Variants in COL5A1 observed in about 807,000 individuals in gnomAD.
COL5A1 encodes the protein collagen alpha-1(V) chain.
In COL5A1, 16 loss-of-function variants were observed where a neutral mutation model predicts 263.7. The observed-to-expected ratio is 0.06, with a 90% confidence interval of 0.04 to 0.09. COL5A1 has a LOEUF of 0.09. COL5A1 is among the 10% of genes least tolerant of loss of function. The probability of loss-of-function intolerance (pLI) is 1.00; values close to 1 mark genes in which losing one functional copy is unlikely to be tolerated. For missense variants in COL5A1, 2,036 were observed against 2,540.5 expected (o/e 0.80, Z 4.27); for synonymous variants, 1,012 against 1,004.5 (o/e 1.01, Z -0.14).
At chr9:134,708,885 T>A (rs1331329805) in intron 4 of COL5A1, 1 of 456,636 alleles carries the variant, frequency 2.2e-6, no homozygotes, top group South Asian at 1.5e-5. Flanking sequence ...GCCTGCCGCT[T>A]CCAGCCCCGG....
At chr9:134,762,362 G>A (rs1198255910) in intron 19 of COL5A1, among the ~76,000 whole-genome samples, 2 of 152,202 alleles carry the variant, frequency 1.3e-5, no homozygotes, top group Non-Finnish European at 2.9e-5. Flanking sequence ...GAGGCATGTG[G>A]GTGGCAGAAA....
chr9:134,707,329 C>T (rs1048238791), intron 4 of COL5A1, among the ~76,000 whole-genome samples: 2 of 152,222 alleles, frequency 1.3e-5, no homozygotes, highest in East Asian at 1.9e-4. Context: ...GTGATGGCGT[C>T]GGCTCCAAGC....
rs973887401 is a variant in COL5A1 at position 134,642,101 on chromosome 9, T to C, written c.-87T>C. ...CTAAAGTGGTGCGGTCCCTGCTGAGTGCGCTGCCCGGGCCGTGACCCGCGC... is the reference window on the plus strand; with the variant it reads ...CTAAAGTGGTGCGGTCCCTGCTGAGCGCGCTGCCCGGGCCGTGACCCGCGC... On this transcript the variant is annotated 5_prime_UTR_variant, in exon 1 of 66. Transcript: ENST00000371817. The surrounding 1 kb of genome is among the most constrained non-coding windows in gnomAD (Gnocchi z 4.5). 2.9e-5 allele frequency: 33 copies of C among 1,144,356 alleles called. No homozygotes were observed. The highest frequency in any genetic ancestry group is 3.3e-5 in the Non-Finnish European group (30 of 909,360). The allele number at this position is 1,144,356 out of a possible 1,614,324, so 70.9% of individuals were successfully genotyped here.
chr9:134,796,801 C>T, intron 35 of COL5A1, 47 bp from the exon 36 acceptor site: 1 of 1,580,730 alleles, frequency 6.3e-7, no homozygotes, highest in Non-Finnish European at 8.7e-7. Context: ...GCAGGAGCTG[C>T]TCGGGAGAGA....
Position 134,839,011 on chromosome 9 carries a change from C to T in COL5A1, c.5371-3146C>T, listed in dbSNP as rs527955364. On this transcript the variant is annotated intron_variant, in intron 65 of 65. Transcript: ENST00000371817. ...AAGTCACAACCGTCTCATTTAATTA[C>T]GGAGGCTGCTGCAGGAGGCCCTGAT... 4.5e-4 allele frequency among the ~76,000 whole-genome samples: 68 copies of T among 152,354 alleles called. 1 individual carries two copies. In the South Asian group the frequency reaches 6.4e-3, roughly 14 times the overall value.
rs527959293 is a variant in COL5A1, at chr9:134,787,113, C to T, written c.2646+1065C>T. The stretch of plus-strand genomic sequence containing the variant: ...ATGTAGCTGCTGACCGCAGCATCGT[C>T]ACTGAATGTGGTCAAAGGGGCTGAT... On this transcript the variant is annotated intron_variant, in intron 31 of 65. Coordinates refer to ENST00000371817, the MANE Select transcript of COL5A1 (RefSeq NM_000093.5). Among the ~76,000 whole-genome samples, 10 of 152,358 alleles carry T rather than the reference C, an allele frequency of 6.6e-5. No individual in the cohort carries two copies. The South Asian group carries it at 2.1e-3, about 32-fold the overall frequency.
At chr9:134,826,893 T>C (rs1839302610) in intron 63 of COL5A1, among the ~76,000 whole-genome samples, 1 of 152,152 alleles carries the variant, frequency 6.6e-6, no homozygotes, top group East Asian at 1.9e-4. Context: ...GTGGCTGGCA[T>C]GTGCATGCAT....
chr9:134,801,516 C>T (rs981284082), intron 37 of COL5A1, among the ~76,000 whole-genome samples: 13 of 152,226 alleles, frequency 8.5e-5, no homozygotes, highest in African/African-American at 1.9e-4. Context: ...TGCAAACGCA[C>T]GGTGGCTCAC....
Position 134,738,814 on chromosome 9 carries a change from A to T in COL5A1, c.1494+6A>T. On this transcript the variant is annotated splice_donor_region_variant and intron_variant, in intron 11 of 65. Transcript: ENST00000371817. ...TCGGGGACCCTGGAGAAAGGGTAAGAGGTTGACTGTGTTTCCTGAGATCAC... is the reference window on the plus strand; with the variant it reads ...TCGGGGACCCTGGAGAAAGGGTAAGTGGTTGACTGTGTTTCCTGAGATCAC... 6.2e-7 allele frequency: 1 copy of T among 1,612,302 alleles called. No homozygotes were observed. The highest frequency in any genetic ancestry group is 1.7e-4 in the Middle Eastern group (1 of 6,056).
chr9:134,811,326 T>G lies in COL5A1; in HGVS notation c.3529-13T>G. ...CCAAGAAGCTACCTATGTCTCTGTC[T>G]TGTTCCCCGCAGGGTCCTCCTGGGC... On this transcript the variant is annotated splice_polypyrimidine_tract_variant and intron_variant, in intron 44 of 65. Transcript: ENST00000371817. The G allele has an allele frequency of 6.2e-7, 1 of 1,613,976 alleles. No homozygotes were observed. Among genetic ancestry groups the G allele is most frequent in the Non-Finnish European group, 8.5e-7 (1 of 1,179,852 alleles).
chr9:134,699,358 C>T (rs577303848), intron 2 of COL5A1, among the ~76,000 whole-genome samples: 31 of 152,196 alleles, frequency 2.0e-4, no homozygotes, highest in Non-Finnish European at 3.5e-4. Context: ...CACTTTTTCT[C>T]TGTTTTGCGT....
At chr9:134,697,216 G>A (rs904809852) in intron 2 of COL5A1, among the ~76,000 whole-genome samples, 22 of 152,116 alleles carry the variant, frequency 1.4e-4, no homozygotes, top group Non-Finnish European at 2.4e-4. Context: ...AAGTATCAGC[G>A]TCCCAGCTCA....
At chr9:134,701,606 G>A (rs558999010) in intron 4 of COL5A1, among the ~76,000 whole-genome samples, 130 of 152,316 alleles carry the variant, frequency 8.5e-4, no homozygotes, top group Admixed American at 3.0e-3. Context: ...TCTCCTGGGT[G>A]CTGGCTCGGA....
In COL5A1 at chr9:134,842,649, G is replaced by T; in HGVS notation, c.*346G>T. On this transcript the variant is annotated 3_prime_UTR_variant, in exon 66 of 66. Coordinates refer to ENST00000371817, the MANE Select transcript of COL5A1 (RefSeq NM_000093.5). This position sits in a 1 kb window ranked among gnomAD's most constrained non-coding sequence, Gnocchi z 5.8. ...TGTTCGTGAATAGGTCTCAGGGGTT[G>T]GGGGAGGGACTGCCAGATTTGGACA... is the stretch of plus-strand genomic sequence containing the variant. 2.4e-6 allele frequency: 1 copy of T among 413,384 alleles called. No individual in the cohort carries two copies. 25.6% of individuals were successfully genotyped at this position (413,384 alleles called of 1,614,324 possible). A position where few individuals can be genotyped will look rare whatever the true frequency, so the allele number is the denominator to read the frequency against.
intron 28 of COL5A1, 83 bp downstream of exon 28, chr9:134,780,229 T>C: frequency 1.5e-6 from 2 of 1,355,922 alleles, no homozygotes; most frequent in South Asian, 1.2e-5. Context: ...ACAATGCTTC[T>C]TCCATGAAAC....
chr9:134,779,407 G>A (rs550200345), intron 27 of COL5A1, among the ~76,000 whole-genome samples: 22 of 152,338 alleles, frequency 1.4e-4, no homozygotes, highest in Admixed American at 7.8e-4. Flanking sequence ...GTGGGATGGT[G>A]TGTCCTGAAC....
Position 134,842,088 on chromosome 9 carries a change from G to C in COL5A1, c.5371-69G>C. ...GTTTTGGAGCCAGACAGATTGTGGG[G>C]GGTGATTGGTAAACCCCAAGACCCC... On this transcript the variant is annotated intron_variant, in intron 65 of 65. Coordinates refer to ENST00000371817, the MANE Select transcript of COL5A1 (RefSeq NM_000093.5). This position sits in a 1 kb window ranked among gnomAD's most constrained non-coding sequence, Gnocchi z 5.8. The C allele has an allele frequency of 2.5e-6, 4 of 1,577,752 alleles. No homozygotes were observed. Among genetic ancestry groups the C allele is most frequent in the Non-Finnish European group, 3.5e-6 (4 of 1,148,010 alleles).
At chr9:134,662,773 G>T (rs770495266) in intron 1 of COL5A1, among the ~76,000 whole-genome samples, 2 of 152,140 alleles carry the variant, frequency 1.3e-5, no homozygotes, top group South Asian at 2.1e-4. Flanking sequence ...GGGCTAACTC[G>T]CATGAAACCC....
intron 9 of COL5A1, among the ~76,000 whole-genome samples, chr9:134,732,949 C>G (rs1270936057): frequency 6.6e-6 from 1 of 152,218 alleles, no homozygotes; most frequent in Non-Finnish European, 1.5e-5. Flanking sequence ...GCCCTGTGAT[C>G]AGCTGGGCAG....
Sources: gnomAD v4.1 joint callset for allele counts (sites outside exome capture counted in the v4.1 genomes callset) on GRCh38, gnomAD v4.1.1 for gene constraint, Gnocchi (gnomAD v3.1) non-coding constraint, MANE v1.5 for transcripts, NCBI Gene and HGNC (gene_info 2026-07-23, HGNC 2026-07-21) for gene names.